MYO10: variants seen among roughly 807,000 people sequenced by gnomAD.
MYO10 encodes the protein unconventional myosin-X.
Under a neutral mutation model 257.3 loss-of-function variants are expected in MYO10, and 133 were observed. That is an observed-to-expected ratio of 0.52 (90% CI 0.45 to 0.60). The LOEUF (loss-of-function observed/expected upper bound fraction) is 0.60. MYO10 is among the 20% of genes least tolerant of loss of function. MYO10 has a pLI of 0.00. For synonymous variants in MYO10, 1,104 were observed against 1,028.6 expected (o/e 1.07, Z -1.40); for missense variants, 2,399 against 2,635.7 (o/e 0.91, Z 1.97).
rs1427404369 is a variant in MYO10, at chr5:16,680,071, T to C, written c.4418A>G (p.His1473Arg). 5 of 1,613,004 alleles carry C rather than the reference T, an allele frequency of 3.1e-6. No individual in the cohort carries two copies. Among genetic ancestry groups the C allele is most frequent in the Non-Finnish European group, 4.2e-6 (5 of 1,179,428 alleles). Residue 1473 changes from histidine (H) to arginine (R), a missense_variant, in exon 33 of 41, where the codon CAC becomes CGC. By Grantham distance (29) the His-to-Arg change is conservative. Transcript: ENST00000513610. ...CAGCTTGGTGTAGAGCCGGTAACAG[T>C]GCTTGCGCCCGTACACGGTGACGTT... The part of the protein sequence containing the change: ...YWNVTVYGRK[H>R]CYRLYTKLLN...
chr5:16,722,181 G>A (rs186369398), intron 19 of MYO10, among the ~76,000 whole-genome samples: 2 of 152,270 alleles, frequency 1.3e-5, no homozygotes, highest in East Asian at 1.9e-4. Flanking sequence ...GGTGCCATCC[G>A]TGATGCTCTC....
chr5:16,726,624 C>A (rs1236285333), intron 19 of MYO10, among the ~76,000 whole-genome samples: 2 of 152,142 alleles, frequency 1.3e-5, no homozygotes, highest in African/African-American at 4.8e-5. Context: ...CTGAAAGGTG[C>A]AAATTCAGGA....
chr5:16,702,642 T>C (rs1738137588), intron 23 of MYO10, 54 bp from the exon 24 acceptor site: 2 of 1,500,662 alleles, frequency 1.3e-6, no homozygotes, highest in South Asian at 2.4e-5. Flanking sequence ...TGGAACCACT[T>C]TTCAGAGAGA....
intron 1 of MYO10, among the ~76,000 whole-genome samples, chr5:16,887,638 G>A (rs253471): frequency 0.012 from 1,767 of 152,166 alleles, 38 homozygotes; most frequent in African/African-American, 0.036. Flanking sequence ...CTACAGGTGC[G>A]CACCACCACA....
At chr5:16,869,729 C>T (rs1561028608) in intron 2 of MYO10, among the ~76,000 whole-genome samples, 1 of 151,056 alleles carries the variant, frequency 6.6e-6, no homozygotes, top group African/African-American at 2.5e-5. Flanking sequence ...GCCGGGCGTG[C>T]TGACGCATGC....
Position 16,784,066 on chromosome 5 carries a change from TGTTA to T in MYO10, c.468-601_468-598del, listed in dbSNP as rs77004788. ...GATCCAAAGTCCTGCCAAGGTCACG[TGTTA>T]GTGATAGTTAAGGACAAGTGAACAA... On this transcript the variant is annotated intron_variant, in intron 4 of 40. Transcript: ENST00000513610. 6.7e-3 allele frequency among the ~76,000 whole-genome samples: 1,017 copies of T among 152,256 alleles called. 3 individuals are homozygous for T. The highest frequency in any genetic ancestry group is 0.01 in the Non-Finnish European group (704 of 68,020).
intron 28 of MYO10, among the ~76,000 whole-genome samples, chr5:16,688,240 G>T (rs1204271461): frequency 6.6e-6 from 1 of 152,138 alleles, no homozygotes; most frequent in East Asian, 1.9e-4. Context: ...GAATTTATGG[G>T]TCTAAGCAGG....
intron 28 of MYO10, among the ~76,000 whole-genome samples, chr5:16,687,670 AG>A (rs1480791974): frequency 6.6e-6 from 1 of 152,094 alleles, no homozygotes; most frequent in Non-Finnish European, 1.5e-5. Context: ...TTCCTAAGGG[AG>A]AAAAATGTGA....
chr5:16,781,618 C>T, intron 6 of MYO10, 87 bp downstream of exon 6: 1 of 1,319,744 alleles, frequency 7.6e-7, no homozygotes. Flanking sequence ...AAATGTTTCA[C>T]ATTCTTTTTC....
intron 19 of MYO10, among the ~76,000 whole-genome samples, chr5:16,715,747 G>T (rs1004816365): frequency 6.6e-6 from 1 of 151,940 alleles, no homozygotes; most frequent in Admixed American, 6.6e-5. Context: ...CAAAAAAGCT[G>T]TTAAAAAAAT....
At chr5:16,896,766 C>A (rs1049772296) in intron 1 of MYO10, among the ~76,000 whole-genome samples, 1 of 152,110 alleles carries the variant, frequency 6.6e-6, no homozygotes, top group Non-Finnish European at 1.5e-5. Flanking sequence ...GGTGGCAGGG[C>A]ACTCCTGCAC....
In MYO10 at chr5:16,755,007, A is replaced by C. The variant is rs985054719; in HGVS notation, c.1849-99T>G. The C allele has an allele frequency of 1.5e-5, 10 of 676,956 alleles. No individual in the cohort carries two copies. The Admixed American group carries it at 3.0e-4, about 21-fold the overall frequency. The allele number at this position is 676,956 out of a possible 1,614,324, so 41.9% of individuals were successfully genotyped here. A position where few individuals can be genotyped will look rare whatever the true frequency, so the allele number is the denominator to read the frequency against. ...TAGAAACAATAATTTAAAAAACACA[A>C]TATAAATCATAGGACTAATAACTTA... On this transcript the variant is annotated intron_variant, in intron 18 of 40. Transcript: ENST00000513610.
At chr5:16,713,612 C>T (rs1738719938) in intron 19 of MYO10, 2 of 581,124 alleles carry the variant, frequency 3.4e-6, no homozygotes, top group African/African-American at 2.0e-5. Flanking sequence ...CGATTGTGTC[C>T]CTGCCCCTTC....
intron 30 of MYO10, among the ~76,000 whole-genome samples, chr5:16,682,533 G>A (rs562854805): frequency 3.9e-5 from 6 of 152,236 alleles, no homozygotes; most frequent in East Asian, 1.9e-4. Context: ...TCCTAGTCAC[G>A]GATAACGTGA....
chr5:16,922,615 C>A (rs1746020337), intron 1 of MYO10, among the ~76,000 whole-genome samples: 1 of 152,156 alleles, frequency 6.6e-6, no homozygotes, highest in African/African-American at 2.4e-5. Context: ...GGCTAGCCAG[C>A]AGGTCCATGG....
chr5:16,723,339 G>C (rs1739228853), intron 19 of MYO10, among the ~76,000 whole-genome samples: 1 of 152,108 alleles, frequency 6.6e-6, no homozygotes, highest in Admixed American at 6.6e-5. Flanking sequence ...AGTGAGCCAA[G>C]GTTGCGCCAC....
chr5:16,864,813 G>A (rs1744196533), intron 2 of MYO10, among the ~76,000 whole-genome samples: 1 of 152,152 alleles, frequency 6.6e-6, no homozygotes, highest in Non-Finnish European at 1.5e-5. Flanking sequence ...CTTGGAAGAG[G>A]TCTAGGGAGT....
intron 2 of MYO10, among the ~76,000 whole-genome samples, chr5:16,822,802 C>T (rs1362285285): frequency 1.3e-5 from 2 of 151,846 alleles, no homozygotes. Context: ...ATTCTCCTGC[C>T]TCAGCCTCCC....
At chr5:16,905,592 T>C (rs373969359) in intron 1 of MYO10, among the ~76,000 whole-genome samples, 19 of 152,218 alleles carry the variant, frequency 1.2e-4, no homozygotes, top group African/African-American at 4.3e-4. Context: ...CACTGACCGA[T>C]GAGTGCTGCA....
Sources: gnomAD v4.1 joint callset for allele counts (sites outside exome capture counted in the v4.1 genomes callset) on GRCh38, gnomAD v4.1.1 for gene constraint, MANE v1.5 for transcripts, NCBI Gene and HGNC (gene_info 2026-07-23, HGNC 2026-07-21) for gene names.